The following ANO10 variants were observed in gnomAD, a reference collection of about 807,000 sequenced individuals.
The protein encoded by ANO10 is anoctamin-10.
ANO10 carries 77 observed loss-of-function variants against 74.7 expected under a neutral mutation model. The observed-to-expected ratio is 1.03, with a 90% confidence interval of 0.86 to 1.25. The LOEUF (loss-of-function observed/expected upper bound fraction) is 1.25. Ranked by LOEUF, ANO10 falls within the 50% of genes most tolerant of loss-of-function variation. The probability of loss-of-function intolerance (pLI) is 0.00; values close to 1 mark genes in which losing one functional copy is unlikely to be tolerated. For missense variants in ANO10, 721 were observed against 778.1 expected, an observed-to-expected ratio of 0.93 and a Z score of 0.87; for synonymous variants, 279 against 284.9, an observed-to-expected ratio of 0.98 and a Z score of 0.21.
rs1286018255 is a variant in ANO10, at chr3:43,576,852, C to T, written c.1002G>A (p.Met334Ile). Residue 334 changes from methionine (M) to isoleucine (I), a missense_variant, in exon 6 of 13, where the codon ATG becomes ATA. Coordinates refer to ENST00000292246, the MANE Select transcript of ANO10 (RefSeq NM_018075.5). ...CCCAAACCTCCATGTCGAAGTAAAT[C>T]ATCATGACATACAGTGAGAAATAGA... ...LCLYFSLYVM[M>I]IYFDMEVWAL... The T allele has an allele frequency of 2.5e-6, 4 of 1,614,060 alleles. No individual in the cohort carries two copies. The highest frequency in any genetic ancestry group is 3.3e-4 in the Middle Eastern group (2 of 6,084).
intron 11 of ANO10, among the ~76,000 whole-genome samples, chr3:43,437,260 T>C (rs1009403673): frequency 1.1e-4 from 17 of 152,112 alleles, no homozygotes; most frequent in African/African-American, 3.4e-4. Context: ...CTTCTGAGGA[T>C]AGTACCAAGG....
intron 11 of ANO10, among the ~76,000 whole-genome samples, chr3:43,506,343 A>G (rs1433745068): frequency 6.6e-6 from 1 of 152,030 alleles, no homozygotes; most frequent in East Asian, 1.9e-4. Context: ...GGCTACCTCC[A>G]CATTTCCTGC....
At chr3:43,595,821 T>C (rs189059011) in intron 4 of ANO10, among the ~76,000 whole-genome samples, 1 of 152,266 alleles carries the variant, frequency 6.6e-6, no homozygotes, top group East Asian at 1.9e-4. Context: ...GAAGTCAAAT[T>C]GTCCCTGTTT....
At chr3:43,618,444 G>A (rs1233601127) in intron 1 of ANO10, among the ~76,000 whole-genome samples, 1 of 152,214 alleles carries the variant, frequency 6.6e-6, no homozygotes, top group Admixed American at 6.5e-5. Context: ...ACTGCCAAGA[G>A]TTTGCTTGTT....
Position 43,459,600 on chromosome 3 carries a change from T to C in ANO10, c.1798-26873A>G, listed in dbSNP as rs566000715. Among the ~76,000 whole-genome samples, 271 of 152,248 alleles carry C rather than the reference T, an allele frequency of 1.8e-3. 1 individual carries two copies. Among genetic ancestry groups the C allele is most frequent in the African/African-American group, 6.2e-3 (257 of 41,542 alleles). ...AAGAGGCATGATGGAGCTGCCAGTT[T>C]CTCAGTGGGACCCTCCTGAGGAAGG... On this transcript the variant is annotated intron_variant, in intron 11 of 12. Transcript: ENST00000292246.
chr3:43,410,233 T>C (rs2092643409), intron 12 of ANO10, among the ~76,000 whole-genome samples: 1 of 152,102 alleles, frequency 6.6e-6, no homozygotes, highest in Non-Finnish European at 1.5e-5. Context: ...GCAAAGATTT[T>C]CTCTATGTGA....
At chr3:43,599,416 C>G (rs932040676) in intron 3 of ANO10, among the ~76,000 whole-genome samples, 2 of 152,148 alleles carry the variant, frequency 1.3e-5, no homozygotes, top group African/African-American at 4.8e-5. Flanking sequence ...ACGACCCTAT[C>G]ACATTCAGCA....
At chr3:43,454,477 C>A (rs1440190345) in intron 11 of ANO10, among the ~76,000 whole-genome samples, 1 of 151,656 alleles carries the variant, frequency 6.6e-6, no homozygotes, top group Non-Finnish European at 1.5e-5. Context: ...GTCTGGCCAT[C>A]AGAGAGAGTG....
chr3:43,437,152 T>C (rs1332234991), intron 11 of ANO10, among the ~76,000 whole-genome samples: 1 of 152,244 alleles, frequency 6.6e-6, no homozygotes, highest in Non-Finnish European at 1.5e-5. Flanking sequence ...AGACCAAGCA[T>C]GTACATCTAC....
chr3:43,399,451 GT>G (rs2092441252), intron 12 of ANO10, among the ~76,000 whole-genome samples: 2 of 151,966 alleles, frequency 1.3e-5, no homozygotes, highest in South Asian at 2.1e-4. Flanking sequence ...TTTCATTATG[GT>G]GTCTGTCTGT....
intron 11 of ANO10, among the ~76,000 whole-genome samples, chr3:43,433,385 G>C (rs2093020400): frequency 6.6e-6 from 1 of 152,070 alleles, no homozygotes; most frequent in African/African-American, 2.4e-5. Flanking sequence ...TACAATATTT[G>C]TTGTCACTCC....
intron 12 of ANO10, among the ~76,000 whole-genome samples, chr3:43,407,268 C>T (rs1290644150): frequency 6.6e-6 from 1 of 152,114 alleles, no homozygotes; most frequent in Non-Finnish European, 1.5e-5. Context: ...AATACCAAAT[C>T]AAAAGTTACC....
intron 12 of ANO10, among the ~76,000 whole-genome samples, chr3:43,430,789 A>G (rs1331095006): frequency 6.6e-6 from 1 of 151,952 alleles, no homozygotes; most frequent in Non-Finnish European, 1.5e-5. Context: ...TTATTTTGAT[A>G]TATTTGAATT....
chr3:43,605,781 A>G lies in ANO10; in HGVS notation c.72T>C (p.Ala24=), dbSNP rs990712789. 2.5e-6 allele frequency: 4 copies of G among 1,613,634 alleles called. No individual in the cohort carries two copies. The highest frequency in any genetic ancestry group is 3.4e-6 in the Non-Finnish European group (4 of 1,179,772). ...CTTTGGTTTCTTCTTTGACATCCTG[A>G]GCAAGTTCTATGACCACCAAAGGTG... ...SFTPLVVIEL[A]QDVKEETKEW... The change falls in exon 2 of 13, where the codon GCT becomes GCC. Residue 24 remains alanine, a synonymous_variant. Coordinates refer to ENST00000292246, the MANE Select transcript of ANO10 (RefSeq NM_018075.5).
At chr3:43,557,929 A>G (rs1047496566) in intron 9 of ANO10, among the ~76,000 whole-genome samples, 4 of 151,720 alleles carry the variant, frequency 2.6e-5, no homozygotes, top group Admixed American at 6.6e-5. Context: ...ACACAGTGAG[A>G]GCCCATCTCT....
intron 1 of ANO10, among the ~76,000 whole-genome samples, chr3:43,685,524 CAT>C (rs1559402341): frequency 6.6e-6 from 1 of 152,154 alleles, no homozygotes; most frequent in Non-Finnish European, 1.5e-5. Flanking sequence ...TCTATGTGCA[CAT>C]GAGAAAGGTC....
Position 43,366,962 on chromosome 3 carries a change from C to T in ANO10, c.1927G>A (p.Val643Met), listed in dbSNP as rs775797184. 6.9e-6 allele frequency: 11 copies of T among 1,601,606 alleles called. No individual in the cohort carries two copies. The highest frequency in any genetic ancestry group is 2.3e-5 in the South Asian group (2 of 88,686). Reference protein sequence around the residue: ...EALKQQQMKLVTENLKEEPME... With the variant: ...EALKQQQMKLMTENLKEEPME... ...GGTTCCTCCTTCAGGTTCTCGGTCA[C>T]GAGCTTCATTTGCTGTTAAGAGAAA... The change falls in exon 13 of 13, where the codon GTG becomes ATG. Residue 643 changes from valine to methionine, a missense_variant. Val to Met is a conservative substitution (Grantham distance 21, BLOSUM62 1). Transcript: ENST00000292246.
At chr3:43,542,116 G>C (rs2078983654) in intron 11 of ANO10, among the ~76,000 whole-genome samples, 1 of 152,198 alleles carries the variant, frequency 6.6e-6, no homozygotes, top group African/African-American at 2.4e-5. Context: ...GTTTAGGTGA[G>C]AGCTCCTGAA....
intron 11 of ANO10, among the ~76,000 whole-genome samples, chr3:43,509,508 A>G (rs2077431628): frequency 6.6e-6 from 1 of 152,214 alleles, no homozygotes; most frequent in South Asian, 2.1e-4. Flanking sequence ...ATGACTACAT[A>G]CCCATCAGAA....
Sources: gnomAD v4.1 joint callset for allele counts (sites outside exome capture counted in the v4.1 genomes callset) on GRCh38, gnomAD v4.1.1 for gene constraint, MANE v1.5 for transcripts, NCBI Gene and HGNC (gene_info 2026-07-23, HGNC 2026-07-21) for gene names.